AGXT: variants seen among roughly 807,000 people sequenced by gnomAD.
AGXT encodes alanine--glyoxylate aminotransferase.
In AGXT, 41 loss-of-function variants were observed where a neutral mutation model predicts 46.9. The observed-to-expected ratio is 0.88, with a 90% CI of 0.68 to 1.14. The LOEUF (loss-of-function observed/expected upper bound fraction) is 1.14, where lower values mean the gene tolerates loss of function less well. Among genes scored for constraint, AGXT ranks in the 50% most tolerant of loss-of-function variants. The pLI is 0.00. For synonymous variants in AGXT, 244 were observed against 227.9 expected, an observed-to-expected ratio of 1.07 and a Z score of -0.64; for missense variants, 525 against 522.7, an observed-to-expected ratio of 1.00 and a Z score of -0.04.
rs1183031466 is a variant in AGXT at position 240,878,685 on chromosome 2, C to G, written c.1072-29C>G. 3.9e-6 allele frequency: 6 copies of G among 1,537,730 alleles called. No individual in the cohort carries two copies. In the East Asian group the frequency reaches 1.5e-4, roughly 38 times the overall value. On this transcript the variant is annotated intron_variant, in intron 10 of 10. Coordinates refer to ENST00000307503, the MANE Select transcript of AGXT (RefSeq NM_000030.3). The stretch of plus-strand genomic sequence containing the variant: ...GGTCAGGCAGGTCCCAGGCGGGAGG[C>G]TGACGTCAGCCCGCCCTGTGCCCCC...
At chr2:240,878,581 G>C (rs1426311419) in intron 10 of AGXT, 133 bp from the exon 11 acceptor site, 2 of 852,976 alleles carry the variant, frequency 2.3e-6, no homozygotes, top group Admixed American at 4.1e-5. Context: ...GCACAGGGCT[G>C]TCAACTCCCC....
chr2:240,868,927 C>T lies in AGXT; in HGVS notation c.62C>T (p.Pro21Leu). 1 of 1,613,364 alleles carries T rather than the reference C, an allele frequency of 6.2e-7. No individual in the cohort carries two copies. Among genetic ancestry groups the T allele is most frequent in the African/African-American group, 1.3e-5 (1 of 75,060 alleles). Residue 21 changes from proline (P) to leucine (L), a missense_variant, in exon 1 of 11, where the codon CCC becomes CTC. Pro to Leu is a moderately conservative substitution (Grantham distance 98). Transcript: ENST00000307503. ...PKALLKPLSIPNQLLLGPGPS... is the reference protein window; with the variant it reads ...PKALLKPLSILNQLLLGPGPS... ...GCCCTGCTCAAGCCCCTCTCCATCC[C>T]CAACCAGCTCCTGCTGGGGCCTGGT...
In AGXT at chr2:240,869,491, C is replaced by G. The variant is rs1014631047; in HGVS notation, c.358+129C>G. 65 of 1,136,280 alleles carry G rather than the reference C, an allele frequency of 5.7e-5. No individual in the cohort carries two copies. In the East Asian group the frequency reaches 1.7e-3, roughly 29 times the overall value. The allele number at this position is 1,136,280 out of a possible 1,614,324, so 70.4% of individuals were successfully genotyped here. On this transcript the variant is annotated intron_variant, in intron 2 of 10. Transcript: ENST00000307503. ...TACCCACCTTGTGGCCCTGTGCGCA[C>G]GAACCTCCTGCCAGCCCACTGCCTC... is the stretch of plus-strand genomic sequence containing the variant.
At position 240,879,949 on chromosome 2, in the gene AGXT, G is replaced by A. The variant is rs1041406518; in HGVS notation, c.*1128G>A. 1 of 151,562 alleles carries A rather than the reference G, an allele frequency of 6.6e-6. No individual in the cohort carries two copies. Among genetic ancestry groups the A allele is most frequent in the African/African-American group, 2.4e-5 (1 of 40,994 alleles). The allele number at this position is 151,562 out of a possible 1,614,324, so 9.4% of individuals were successfully genotyped here. ...TTGCTGAGTGCCGTCCCGTCATATG[G>A]ACGTGCGTCGTGGGCGCCGGTGTGT... On this transcript the variant is annotated 3_prime_UTR_variant, in exon 11 of 11. Transcript: ENST00000307503.
rs192950967 is a variant in AGXT, at chr2:240,868,842, C to T, written c.-24C>T. ...CAAGGCCAGTGCAGCCCCAGGTTCC[C>T]GAGCGGCAGGTTGGGTGCGGACCAT... On this transcript the variant is annotated 5_prime_UTR_variant, in exon 1 of 11. Coordinates refer to ENST00000307503, the MANE Select transcript of AGXT (RefSeq NM_000030.3). The T allele has an allele frequency of 5.2e-5, 84 of 1,603,258 alleles. No individual in the cohort carries two copies. The highest frequency in any genetic ancestry group is 1.2e-4 in the Admixed American group (7 of 58,650).
intron 6 of AGXT, among the ~76,000 whole-genome samples, chr2:240,874,772 C>A (rs1559570213): frequency 6.6e-6 from 1 of 152,318 alleles, no homozygotes; most frequent in East Asian, 1.9e-4. Context: ...TCCCCTGGGG[C>A]CCGAAAGCAG....
At chr2:240,876,944 G>A (rs1029512562) in intron 8 of AGXT, 20 of 228,182 alleles carry the variant, frequency 8.8e-5, no homozygotes, top group Admixed American at 2.0e-4. Flanking sequence ...GGGCACATGC[G>A]CAGAGAAGAC....
At chr2:240,876,217 A>C (rs1265975570) in intron 8 of AGXT, among the ~76,000 whole-genome samples, 1 of 152,176 alleles carries the variant, frequency 6.6e-6, no homozygotes, top group Admixed American at 6.5e-5. Context: ...AGATGCAGCA[A>C]TGGGGCAGGT....
chr2:240,878,653 C>A, intron 10 of AGXT, 61 bp from the exon 11 acceptor site: 1 of 1,477,586 alleles, frequency 6.8e-7, no homozygotes, highest in Non-Finnish European at 9.1e-7. Context: ...GGCCAGCTGT[C>A]GGTCAGGGTC....
At chr2:240,874,585 G>A (rs372563171) in intron 6 of AGXT, among the ~76,000 whole-genome samples, 2 of 152,230 alleles carry the variant, frequency 1.3e-5, no homozygotes, top group Non-Finnish European at 2.9e-5. Context: ...AGAGGACTTC[G>A]GGGAGAAGTC....
chr2:240,873,148 C>A, intron 5 of AGXT, 99 bp downstream of exon 5: 5 of 1,092,178 alleles, frequency 4.6e-6, no homozygotes, highest in East Asian at 2.4e-5. Flanking sequence ...GCCGATGCTG[C>A]GGATTCGGCC....
chr2:240,877,941 G>A (rs2059036596), intron 9 of AGXT, 81 bp from the exon 10 acceptor site: 2 of 1,569,458 alleles, frequency 1.3e-6, no homozygotes, highest in East Asian at 2.3e-5. Flanking sequence ...TGAAGCTGGG[G>A]CAGATGGTGC....
rs2058976103 is a variant in AGXT, at chr2:240,869,019, G to C, written c.154G>C (p.Asp52His). ...GCAGATGATCGGGTCCATGAGCAAG[G>C]ATATGTACCAGGTAGGAGTGGGGGT... is the stretch of plus-strand genomic sequence containing the variant. Reference protein sequence around the residue: ...GLQMIGSMSKDMYQIMDEIKE... With the variant: ...GLQMIGSMSKHMYQIMDEIKE... Residue 52 changes from aspartate (D) to histidine (H), a missense_variant, in exon 1 of 11, where the codon GAT becomes CAT. Transcript: ENST00000307503. 6.8e-7 allele frequency: 1 copy of C among 1,463,122 alleles called. No individual in the cohort carries two copies. Among genetic ancestry groups the C allele is most frequent in the Non-Finnish European group, 9.3e-7 (1 of 1,077,058 alleles). The allele number at this position is 1,463,122 out of a possible 1,614,324, so 90.6% of individuals were successfully genotyped here. A position where few individuals can be genotyped will look rare whatever the true frequency, so the allele number is the denominator to read the frequency against.
intron 6 of AGXT, among the ~76,000 whole-genome samples, chr2:240,874,569 G>A (rs2059012744): frequency 6.6e-6 from 1 of 152,272 alleles, no homozygotes. Context: ...CCGTTCCCCA[G>A]AACAGAGAGG....
At chr2:240,875,616 C>T (rs2059020481) in intron 7 of AGXT, among the ~76,000 whole-genome samples, 1 of 152,246 alleles carries the variant, frequency 6.6e-6, no homozygotes, top group Non-Finnish European at 1.5e-5. Flanking sequence ...GTGCCCTAGC[C>T]CAGTGGGCAC....
intron 2 of AGXT, among the ~76,000 whole-genome samples, chr2:240,870,179 C>A (rs1210925623): frequency 1.3e-5 from 2 of 152,184 alleles, no homozygotes; most frequent in Admixed American, 6.5e-5. Context: ...GGGTGAGGGC[C>A]TGATTCCTGG....
intron 3 of AGXT, 33 bp from the exon 4 acceptor site, chr2:240,871,316 G>C: frequency 6.5e-7 from 1 of 1,545,170 alleles, no homozygotes; most frequent in Non-Finnish European, 8.8e-7. Context: ...CTGCCCCTCT[G>C]AGCTCCACCC....
At chr2:240,874,191 C>T (rs2059008195) in intron 6 of AGXT, 129 bp downstream of exon 6, 1 of 921,680 alleles carries the variant, frequency 1.1e-6, no homozygotes, top group South Asian at 1.5e-5. Flanking sequence ...TGGCGCTCTC[C>T]CGCCCACCCT....
chr2:240,877,837 T>C (rs2059035773), intron 9 of AGXT, among the ~76,000 whole-genome samples, 185 bp from the exon 10 acceptor site: 1 of 152,168 alleles, frequency 6.6e-6, no homozygotes, highest in Admixed American at 6.5e-5. Flanking sequence ...GGACGGCCTG[T>C]GATCTCCCAG....
Sources: allele counts gnomAD v4.1 joint callset (sites outside exome capture counted in the v4.1 genomes callset), GRCh38; gene constraint gnomAD v4.1.1; transcripts MANE v1.5; gene names NCBI Gene and HGNC (gene_info 2026-07-23, HGNC 2026-07-21).